The following NRDC variants were observed in gnomAD, a reference collection of about 807,000 sequenced individuals.
NRDC encodes the protein nardilysin.
In NRDC, 54 loss-of-function variants were observed where a neutral mutation model predicts 147.1. That is an observed-to-expected ratio of 0.37 (90% CI 0.29 to 0.46). NRDC has a LOEUF of 0.46. NRDC is among the 20% of genes least tolerant of loss of function. The pLI, the probability that NRDC is intolerant of heterozygous loss-of-function variation, is 1.00. For synonymous variants in NRDC, 440 were observed against 482.1 expected (o/e 0.91, Z 1.14); for missense variants, 1,082 against 1,370.6 (o/e 0.79, Z 3.33).
intron 14 of NRDC, 96 bp from the exon 15 acceptor site, chr1:51,812,194 TA>T: frequency 1.2e-6 from 1 of 869,174 alleles, no homozygotes; most frequent in South Asian, 1.5e-5. Context: ...TTATTAACAA[TA>T]AAACCAAAAG....
chr1:51,847,874 AGGAGGCGCCAAGAGCAAGC>A (rs1681731751), intron 1 of NRDC, among the ~76,000 whole-genome samples: 1 of 152,240 alleles, frequency 6.6e-6, no homozygotes, highest in Non-Finnish European at 1.5e-5. Context: ...ACCGAGGCCG[AGGAGGCGCCAAGAGCAAGC>A]GAGGGCTGTG....
intron 1 of NRDC, among the ~76,000 whole-genome samples, chr1:51,861,203 G>A (rs1188542617): frequency 1.3e-5 from 2 of 149,208 alleles, no homozygotes; most frequent in Admixed American, 1.3e-4. Context: ...ACCCACCTTG[G>A]CCTTCCAAAG....
chr1:51,813,902 G>A, intron 14 of NRDC, 133 bp downstream of exon 14: 1 of 647,604 alleles, frequency 1.5e-6, no homozygotes, highest in Non-Finnish European at 2.8e-6. Context: ...TAGCTTCAAG[G>A]CCACCTGGAG....
rs755182575 is a variant in NRDC at position 51,878,345 on chromosome 1, G to A, written c.271C>T (p.Arg91Trp). The A allele has an allele frequency of 6.8e-6, 11 of 1,613,978 alleles. No individual in the cohort carries two copies. In the African/African-American group the frequency reaches 9.3e-5, roughly 14 times the overall value. ...LGADESEEEG[R>W]RGSLSNAGDP... Reference sequence around the variant, plus strand: ...CCAGCATTACTGAGAGACCCCCTCCGTCCCTCTTCCTCAGATTCATCCGCT... The same window carrying A: ...CCAGCATTACTGAGAGACCCCCTCCATCCCTCTTCCTCAGATTCATCCGCT... Residue 91 changes from arginine (R) to tryptophan (W), a missense_variant, in exon 1 of 31, where the codon CGG (arginine) becomes TGG (tryptophan). This residue lies in a region of NRDC where 260 missense variants were observed against 253.2 expected (regional missense o/e 1.03). Transcript: ENST00000352171.
At position 51,827,881 on chromosome 1, in the gene NRDC, A is replaced by G; in HGVS notation, c.867-12T>C. 1 of 1,612,466 alleles carries G rather than the reference A, an allele frequency of 6.2e-7. No homozygotes were observed. Among genetic ancestry groups the G allele is most frequent in the Non-Finnish European group, 8.5e-7 (1 of 1,178,768 alleles). Reference sequence around the variant, plus strand: ...AGAACTGCGCCCATCTGAACAAAAAACAAAACTGGCATTTCCGTTTTTGTT... The same window carrying G: ...AGAACTGCGCCCATCTGAACAAAAAGCAAAACTGGCATTTCCGTTTTTGTT... On this transcript the variant is annotated splice_polypyrimidine_tract_variant and intron_variant, in intron 4 of 30. Coordinates refer to ENST00000352171, the MANE Select transcript of NRDC (RefSeq NM_001101662.2).
chr1:51,794,659 A>T, intron 23 of NRDC, 49 bp from the exon 24 acceptor site: 3 of 1,605,420 alleles, frequency 1.9e-6, no homozygotes, highest in Non-Finnish European at 2.6e-6. Flanking sequence ...AACTATAAGA[A>T]GCTAGGCCTT....
intron 1 of NRDC, among the ~76,000 whole-genome samples, chr1:51,853,911 T>C (rs1026179221): frequency 2.0e-5 from 3 of 152,242 alleles, no homozygotes; most frequent in Non-Finnish European, 4.4e-5. Flanking sequence ...GTTTTCTGGA[T>C]TGCTAAAGTT....
At chr1:51,850,123 G>C (rs1228158407) in intron 1 of NRDC, among the ~76,000 whole-genome samples, 1 of 151,678 alleles carries the variant, frequency 6.6e-6, no homozygotes, top group South Asian at 2.1e-4. Context: ...GTTGCAGTGA[G>C]CCAAGATTAC....
chr1:51,814,384 G>A, intron 13 of NRDC, 167 bp downstream of exon 13: 2 of 633,404 alleles, frequency 3.2e-6, no homozygotes, highest in Non-Finnish European at 5.5e-6. Flanking sequence ...TAAAGCCTTA[G>A]TATACAATCA....
At chr1:51,819,559 AC>A (rs1332407363) in intron 9 of NRDC, among the ~76,000 whole-genome samples, 1 of 152,210 alleles carries the variant, frequency 6.6e-6, no homozygotes, top group Non-Finnish European at 1.5e-5. Flanking sequence ...GAAAGGTAAA[AC>A]AAGGAGAAAG....
chr1:51,854,520 C>G (rs1682140963), intron 1 of NRDC, among the ~76,000 whole-genome samples: 1 of 152,106 alleles, frequency 6.6e-6, no homozygotes, highest in African/African-American at 2.4e-5. Context: ...CGCAGGGACC[C>G]CAAGCATAGA....
chr1:51,877,055 G>A (rs921735967), intron 1 of NRDC, among the ~76,000 whole-genome samples: 6 of 152,186 alleles, frequency 3.9e-5, no homozygotes, highest in Non-Finnish European at 7.3e-5. Context: ...GGGCGTGGTG[G>A]CGAGCACCTG....
At chr1:51,824,822 T>TGACTGAAATTTAAAATAGA (rs1553208332) in intron 6 of NRDC, among the ~76,000 whole-genome samples, 1 of 152,186 alleles carries the variant, frequency 6.6e-6, no homozygotes, top group Non-Finnish European at 1.5e-5. Context: ...TGAGATAACT[T>TGACTGAAATTTAAAATAGA]GACTGAAATT....
chr1:51,836,421 T>C, intron 2 of NRDC: 1 of 1,613,850 alleles, frequency 6.2e-7, no homozygotes, highest in South Asian at 1.1e-5. Context: ...TCCTGCCAAA[T>C]GCTGAACAGG....
At chr1:51,853,661 C>T (rs1682096578) in intron 1 of NRDC, among the ~76,000 whole-genome samples, 1 of 152,188 alleles carries the variant, frequency 6.6e-6, no homozygotes, top group African/African-American at 2.4e-5. Flanking sequence ...AGAATTAATT[C>T]ATTGGCTCAG....
chr1:51,821,155 A>G (rs1680191814), intron 8 of NRDC, among the ~76,000 whole-genome samples: 1 of 152,172 alleles, frequency 6.6e-6, no homozygotes, highest in Non-Finnish European at 1.5e-5. Flanking sequence ...AATTTGTCCC[A>G]ATACGGGGGA....
chr1:51,790,757 G>A, intron 28 of NRDC, 108 bp from the exon 29 acceptor site: 1 of 977,764 alleles, frequency 1.0e-6, no homozygotes, highest in Non-Finnish European at 1.6e-6. Flanking sequence ...CAGTATAAGA[G>A]GCACGGATGA....
At chr1:51,791,439 C>T in intron 27 of NRDC, 139 bp downstream of exon 27, 1 of 695,184 alleles carries the variant, frequency 1.4e-6, no homozygotes. Context: ...TCTATAACAA[C>T]CCCCATCTTC....
intron 1 of NRDC, among the ~76,000 whole-genome samples, chr1:51,860,889 C>CA (rs1682495793): frequency 6.6e-6 from 1 of 151,748 alleles, no homozygotes; most frequent in Non-Finnish European, 1.5e-5. Flanking sequence ...TAATATTTCC[C>CA]AATTAAGTTG....
Sources: gnomAD v4.1 joint callset for allele counts (sites outside exome capture counted in the v4.1 genomes callset) on GRCh38, gnomAD v4.1.1 for gene constraint, gnomAD v4.1.1 regional missense constraint, MANE v1.5 for transcripts, NCBI Gene and HGNC (gene_info 2026-07-23, HGNC 2026-07-21) for gene names.